The following TAS1R1 variants were observed in gnomAD, a reference collection of about 807,000 sequenced individuals.
TAS1R1 encodes the protein taste receptor type 1 member 1.
Under a neutral mutation model 45.8 loss-of-function variants are expected in TAS1R1, and 31 were observed. That is an observed-to-expected ratio of 0.68 (90% CI 0.51 to 0.91). TAS1R1 has a LOEUF of 0.91. Ranked by LOEUF, TAS1R1 falls within the 40% of genes least tolerant of loss-of-function variation. The pLI, the probability that TAS1R1 is intolerant of heterozygous loss-of-function variation, is 0.00. For missense variants in TAS1R1, 1,051 were observed against 1,063.9 expected, an observed-to-expected ratio of 0.99 and a Z score of 0.17; for synonymous variants, 437 against 448.4, an observed-to-expected ratio of 0.97 and a Z score of 0.32.
chr1:6,565,335 T>A (rs1465918881), intron 1 of TAS1R1, among the ~76,000 whole-genome samples: 3 of 152,092 alleles, frequency 2.0e-5, no homozygotes. Flanking sequence ...TTATAGATTA[T>A]GTGGGCTGTC....
At chr1:6,578,268 A>C (rs1640239984) in intron 5 of TAS1R1, among the ~76,000 whole-genome samples, 1 of 152,186 alleles carries the variant, frequency 6.6e-6, no homozygotes, top group South Asian at 2.1e-4. Flanking sequence ...ACAGAGCAGC[A>C]GCTCAGGAAA....
At position 6,578,782 on chromosome 1, in the gene TAS1R1, CGCT is replaced by C. The variant is rs745439007; in HGVS notation, c.1743_1745del (p.Leu582del). On this transcript the variant is annotated inframe_deletion, in exon 6 of 6. Coordinates refer to ENST00000333172, the MANE Select transcript of TAS1R1 (RefSeq NM_138697.4). ...TCTTGGGTGCTGCTGGCAGCTAACA[CGCT>C]GCTGCTGCTGCTGCTGCTTGGGACT... The C allele has an allele frequency of 8.6e-5, 138 of 1,604,822 alleles. No individual in the cohort carries two copies. Among genetic ancestry groups the C allele is most frequent in the African/African-American group, 1.5e-4 (11 of 74,694 alleles).
intron 1 of TAS1R1, among the ~76,000 whole-genome samples, chr1:6,562,335 A>AT (rs1401712332): frequency 2.0e-5 from 3 of 152,142 alleles, no homozygotes; most frequent in South Asian, 4.2e-4. Context: ...CGCCAGGCTA[A>AT]TTTTTTGTAT....
intron 1 of TAS1R1, among the ~76,000 whole-genome samples, chr1:6,557,068 C>A (rs996802153): frequency 1.3e-5 from 2 of 150,296 alleles, no homozygotes; most frequent in South Asian, 4.2e-4. Context: ...AAGTCACAGA[C>A]CCAGAGGCCC....
chr1:6,574,822 C>A lies in TAS1R1; in HGVS notation c.690C>A (p.Asn230Lys). Residue 230 changes from asparagine (N) to lysine (K), a missense_variant, in exon 3 of 6, where the codon AAC (asparagine) becomes AAA (lysine). Physicochemically the swap from Asn to Lys is moderately conservative, Grantham distance 94. Coordinates refer to ENST00000333172, the MANE Select transcript of TAS1R1 (RefSeq NM_138697.4). This position sits in a 1 kb window ranked among gnomAD's most constrained non-coding sequence, Gnocchi z 4.3. ...YGQLGVQALENQATGQGICIA... is the reference protein window; with the variant it reads ...YGQLGVQALEKQATGQGICIA... ...AGCTAGGGGTGCAGGCACTGGAGAA[C>A]CAGGCCACTGGTCAGGGGATCTGCA... The A allele has an allele frequency of 6.2e-7, 1 of 1,614,250 alleles. No homozygotes were observed.
intron 1 of TAS1R1, among the ~76,000 whole-genome samples, chr1:6,561,606 T>A (rs1291098291): frequency 6.6e-6 from 1 of 152,048 alleles, no homozygotes; most frequent in East Asian, 1.9e-4. Flanking sequence ...TCCCAGCTAC[T>A]TGGGAGGCTG....
At position 6,555,366 on chromosome 1, in the gene TAS1R1, T is replaced by A. The variant is rs771792573; in HGVS notation, c.-8T>A. On this transcript the variant is annotated 5_prime_UTR_variant, in exon 1 of 6. Transcript: ENST00000333172. ...CTTGGCCATGCCAGGCGCGGGCATCTGGCCAGCATGCTGCTCTGCACGGCT... is the reference window on the plus strand; with the variant it reads ...CTTGGCCATGCCAGGCGCGGGCATCAGGCCAGCATGCTGCTCTGCACGGCT... 1.3e-6 allele frequency: 2 copies of A among 1,574,330 alleles called. No homozygotes were observed. Among genetic ancestry groups the A allele is most frequent in the Non-Finnish European group, 1.7e-6 (2 of 1,156,664 alleles).
At chr1:6,562,740 G>A (rs989412312) in intron 1 of TAS1R1, among the ~76,000 whole-genome samples, 2 of 152,196 alleles carry the variant, frequency 1.3e-5, no homozygotes, top group African/African-American at 4.8e-5. Context: ...GGCTTAAGAA[G>A]ACTAGGGTGC....
chr1:6,558,036 G>GTTTTTTT (rs779773064), intron 1 of TAS1R1, among the ~76,000 whole-genome samples: 4 of 140,858 alleles, frequency 2.8e-5, no homozygotes, highest in Admixed American at 6.9e-5. Context: ...GTAGTGGTTA[G>GTTTTTTT]TTTTTGTTTT....
rs1176414155 is a variant in TAS1R1 at position 6,574,313 on chromosome 1, A to G, written c.499-318A>G. The stretch of plus-strand genomic sequence containing the variant: ...ACCTAACTTCTGCCCTGACCTACAC[A>G]TGCTTCTCTTCTTCCTTGCAAACTG... On this transcript the variant is annotated intron_variant, in intron 2 of 5. Transcript: ENST00000333172. The surrounding 1 kb of genome is among the most constrained non-coding windows in gnomAD (Gnocchi z 4.3). 5.3e-5 allele frequency among the ~76,000 whole-genome samples: 8 copies of G among 152,082 alleles called. No individual in the cohort carries two copies. Among genetic ancestry groups the G allele is most frequent in the African/African-American group, 1.7e-4 (7 of 41,404 alleles).
intron 3 of TAS1R1, among the ~76,000 whole-genome samples, chr1:6,575,738 G>A (rs578234372): frequency 8.1e-5 from 12 of 148,624 alleles, no homozygotes; most frequent in Non-Finnish European, 1.5e-5. Flanking sequence ...TGTTGCCCAG[G>A]CTGGAATGCA....
chr1:6,570,162 T>C (rs1639974452), intron 1 of TAS1R1, among the ~76,000 whole-genome samples: 1 of 151,822 alleles, frequency 6.6e-6, no homozygotes, highest in Non-Finnish European at 1.5e-5. Context: ...GGCAAGCAAG[T>C]TTATTAACCT....
At chr1:6,558,539 G>A (rs1458742381) in intron 1 of TAS1R1, among the ~76,000 whole-genome samples, 2 of 151,956 alleles carry the variant, frequency 1.3e-5, no homozygotes, top group Admixed American at 1.3e-4. Context: ...GGCCAACATG[G>A]TGAAACCCCG....
intron 1 of TAS1R1, among the ~76,000 whole-genome samples, chr1:6,561,003 A>AAC (rs1639777970): frequency 6.6e-6 from 1 of 151,108 alleles, no homozygotes; most frequent in Non-Finnish European, 1.5e-5. Context: ...AAAAAAAAAA[A>AAC]AAGAGGGGCG....
chr1:6,569,224 A>AAG (rs1255505869), intron 1 of TAS1R1, among the ~76,000 whole-genome samples: 1 of 152,122 alleles, frequency 6.6e-6, no homozygotes, highest in Non-Finnish European at 1.5e-5. Context: ...AGGTTAAAAG[A>AAG]AGAGGAGTCA....
chr1:6,557,495 CAT>C (rs1343721421), intron 1 of TAS1R1, among the ~76,000 whole-genome samples: 1 of 152,194 alleles, frequency 6.6e-6, no homozygotes, highest in Non-Finnish European at 1.5e-5. Flanking sequence ...GTGGTGCAAT[CAT>C]AGCTCACTGC....
intron 1 of TAS1R1, among the ~76,000 whole-genome samples, chr1:6,564,751 C>T (rs58154479): frequency 0.053 from 8,051 of 152,130 alleles, 716 homozygotes; most frequent in African/African-American, 0.18. Flanking sequence ...AGAATTTGGG[C>T]GACTACTGCG....
intron 2 of TAS1R1, 94 bp downstream of exon 2, chr1:6,571,309 T>C: frequency 7.3e-7 from 1 of 1,362,196 alleles, no homozygotes; most frequent in Non-Finnish European, 9.9e-7. Flanking sequence ...CAAGGCTGCC[T>C]GCCCCCTGGA....
rs79421857 is a variant in TAS1R1, at chr1:6,576,165, C to T, written c.1261-250C>T. Among the ~76,000 whole-genome samples, 1,052 of 152,292 alleles carry T rather than the reference C, an allele frequency of 6.9e-3. 14 individuals are homozygous for T. Among genetic ancestry groups the T allele is most frequent in the East Asian group, 0.036 (188 of 5,182 alleles). On this transcript the variant is annotated intron_variant, in intron 3 of 5. Coordinates refer to ENST00000333172, the MANE Select transcript of TAS1R1 (RefSeq NM_138697.4). ...TCTCTGATCCTTGCCTTCTCTCACCCACTGTGTCTTGGAAGTGTCAAGTGA... is the reference window on the plus strand; with the variant it reads ...TCTCTGATCCTTGCCTTCTCTCACCTACTGTGTCTTGGAAGTGTCAAGTGA...
Sources: gnomAD v4.1 joint callset for allele counts (sites outside exome capture counted in the v4.1 genomes callset) on GRCh38, gnomAD v4.1.1 for gene constraint, Gnocchi (gnomAD v3.1) non-coding constraint, MANE v1.5 for transcripts, NCBI Gene and HGNC (gene_info 2026-07-23, HGNC 2026-07-21) for gene names.